The following RNASEH1 variants were observed in gnomAD, a reference collection of about 807,000 sequenced individuals.
RNASEH1 encodes the protein ribonuclease H1.
RNASEH1 carries 27 observed loss-of-function variants against 34.6 expected under a neutral mutation model. The ratio of observed to expected loss-of-function variants is 0.78; its 90% CI spans 0.58 to 1.08. The LOEUF is 1.08. RNASEH1 is among the 50% of genes least tolerant of loss of function. The pLI is 0.00. For missense variants in RNASEH1, 349 were observed against 373.6 expected, an observed-to-expected ratio of 0.93 and a Z score of 0.54; for synonymous variants, 162 against 138.4, an observed-to-expected ratio of 1.17 and a Z score of -1.20.
intron 6 of RNASEH1, 133 bp from the exon 7 acceptor site, chr2:3,548,188 G>A (rs982606165): frequency 1.8e-6 from 2 of 1,093,478 alleles, no homozygotes; most frequent in Non-Finnish European, 2.7e-6. Flanking sequence ...TCCTTAGCTG[G>A]CCTTAGTTGC....
chr2:3,545,711 T>C lies in RNASEH1; in HGVS notation c.*74A>G. ...CTGCAATGGTCCTACCTGCAGGCTA[T>C]TTTCCACACCAGTAAGTACAGGCAG... On this transcript the variant is annotated 3_prime_UTR_variant, in exon 8 of 8. Transcript: ENST00000315212. The C allele has an allele frequency of 9.9e-7, 1 of 1,015,092 alleles. No homozygotes were observed. The highest frequency in any genetic ancestry group is 1.7e-5 in the Admixed American group (1 of 58,896). 62.9% of individuals were successfully genotyped at this position (1,015,092 alleles called of 1,614,324 possible).
rs749421361 is a variant in RNASEH1 at position 3,547,930 on chromosome 2, C to T, written c.774+1G>A. The T allele has an allele frequency of 7.4e-6, 12 of 1,613,602 alleles. No homozygotes were observed. In the East Asian group the frequency reaches 2.5e-4, roughly 33 times the overall value. On this transcript the variant is annotated splice_donor_variant, in intron 7 of 7. Coordinates refer to ENST00000315212, the MANE Select transcript of RNASEH1 (RefSeq NM_002936.6). LOFTEE classifies it high-confidence loss of function. ...AGGACATGAACATTTAAGATACTCA[C>T]CCACTGAATGTCCATCCCCTGGGTA...
downstream of RNASEH1, among the ~76,000 whole-genome samples, chr2:3,540,737 AC>A (rs1668247919): frequency 1.3e-5 from 2 of 151,756 alleles, no homozygotes; most frequent in South Asian, 4.1e-4. Flanking sequence ...AATCCCACAG[AC>A]CGTAAAGTTT....
Position 3,558,231 on chromosome 2 carries a change from T to G in RNASEH1, c.30A>C (p.Arg10Ser). 1 of 1,598,326 alleles carries G rather than the reference T, an allele frequency of 6.3e-7. No homozygotes were observed. Among genetic ancestry groups the G allele is most frequent in the Non-Finnish European group, 8.5e-7 (1 of 1,174,600 alleles). MSWLLFLAH[R>S]VALAALPCRR... ...GGCAGGGCAAGGCGGCCAAGGCGAC[T>G]CTGTGGGCCAGGAACAGAAGCCAGC... The change falls in exon 1 of 8, where the codon AGA (arginine) becomes AGC (serine). Residue 10 changes from arginine to serine, a missense_variant. Physicochemically the swap from Arg to Ser is moderately radical, Grantham distance 110. Coordinates refer to ENST00000315212, the MANE Select transcript of RNASEH1 (RefSeq NM_002936.6).
At chr2:3,555,203 T>TC (rs140143795) in intron 2 of RNASEH1, among the ~76,000 whole-genome samples, 23,083 of 152,134 alleles carry the variant, frequency 0.15, 1,822 homozygotes, top group East Asian at 0.19. Flanking sequence ...CGCCTTTCTT[T>TC]CCCCTTCCCT....
At chr2:3,554,504 T>A (rs1425724758) in intron 2 of RNASEH1, among the ~76,000 whole-genome samples, 2 of 152,192 alleles carry the variant, frequency 1.3e-5, no homozygotes, top group African/African-American at 4.8e-5. Flanking sequence ...AGGATAAATG[T>A]AATGTTAAAA....
At chr2:3,551,857 C>T (rs892188255) in intron 3 of RNASEH1, among the ~76,000 whole-genome samples, 1 of 152,164 alleles carries the variant, frequency 6.6e-6, no homozygotes, top group African/African-American at 2.4e-5. Flanking sequence ...CTGGAGTCTT[C>T]GCATTTCATC....
downstream of RNASEH1, among the ~76,000 whole-genome samples, chr2:3,538,951 G>T (rs1019856647): frequency 6.6e-6 from 1 of 152,130 alleles, no homozygotes; most frequent in Non-Finnish European, 1.5e-5. Flanking sequence ...GCATTCTCTC[G>T]TGAGTAAAGC....
At chr2:3,537,498 G>A (rs1240076834), downstream of RNASEH1, among the ~76,000 whole-genome samples, 1 of 152,166 alleles carries the variant, frequency 6.6e-6, no homozygotes, top group Non-Finnish European at 1.5e-5. Flanking sequence ...CGAGGCTGGA[G>A]AATTGCTTGA....
At chr2:3,553,340 G>A (rs1660171570) in intron 2 of RNASEH1, among the ~76,000 whole-genome samples, 1 of 151,680 alleles carries the variant, frequency 6.6e-6, no homozygotes, top group African/African-American at 2.4e-5. Context: ...TTGCAACAAA[G>A]TTTTTCTTCT....
downstream of RNASEH1, among the ~76,000 whole-genome samples, chr2:3,537,058 G>A (rs1012933375): frequency 6.6e-6 from 1 of 152,224 alleles, no homozygotes; most frequent in African/African-American, 2.4e-5. Context: ...AGGGATTAGG[G>A]GTTTGACATG....
rs1277504445 is a variant in RNASEH1 at position 3,544,280 on chromosome 2, C to G, written c.*1505G>C. On this transcript the variant is annotated 3_prime_UTR_variant, in exon 8 of 8. Coordinates refer to ENST00000315212, the MANE Select transcript of RNASEH1 (RefSeq NM_002936.6). ...ATCAAATTTGAGGCTCATCAAGCCT[C>G]TGGACCCAGCTGCCAATGTGCAGGA... Among the ~76,000 whole-genome samples, 2 of 152,156 alleles carry G rather than the reference C, an allele frequency of 1.3e-5. No individual in the cohort carries two copies. Among genetic ancestry groups the G allele is most frequent in the Admixed American group, 6.5e-5 (1 of 15,278 alleles).
At chr2:3,539,420 T>C (rs985624886), downstream of RNASEH1, among the ~76,000 whole-genome samples, 1 of 152,218 alleles carries the variant, frequency 6.6e-6, no homozygotes, top group Non-Finnish European at 1.5e-5. Flanking sequence ...CGTATTTTGA[T>C]GAAAGTTGTT....
intron 1 of RNASEH1, 35 bp downstream of exon 1, chr2:3,558,098 C>T (rs751968043): frequency 1.3e-6 from 2 of 1,564,884 alleles, no homozygotes; most frequent in South Asian, 2.3e-5. Flanking sequence ...ACCCCGATGC[C>T]GGCAGGGAGG....
the RNASEH1 span, among the ~76,000 whole-genome samples, chr2:3,535,682 G>A: frequency 6.6e-6 from 1 of 152,100 alleles, no homozygotes; most frequent in Non-Finnish European, 1.5e-5. Flanking sequence ...GGAGGAATTT[G>A]CATTTTATTC....
At chr2:3,548,772 GAC>G in intron 5 of RNASEH1, 48 bp from the exon 6 acceptor site, 1 of 1,360,394 alleles carries the variant, frequency 7.4e-7, no homozygotes, top group Non-Finnish European at 1.1e-6. Flanking sequence ...GTTCAACTCT[GAC>G]ATTACTAAAG....
Position 3,542,657 on chromosome 2 carries a change from A to AT in RNASEH1, c.*3127dup, listed in dbSNP as rs1013506304. On this transcript the variant is annotated 3_prime_UTR_variant, in exon 8 of 8. Coordinates refer to ENST00000315212, the MANE Select transcript of RNASEH1 (RefSeq NM_002936.6). ...TCACAATTAATGCTATGGTATTAGTATTTTTTTTAAATGCTAAATGCTAAA... is the reference window on the plus strand; with the variant it reads ...TCACAATTAATGCTATGGTATTAGTATTTTTTTTTAAATGCTAAATGCTAAA... Among the ~76,000 whole-genome samples, 4 of 152,136 alleles carry AT rather than the reference A, an allele frequency of 2.6e-5. No individual in the cohort carries two copies. Among genetic ancestry groups the AT allele is most frequent in the Admixed American group, 1.3e-4 (2 of 15,272 alleles).
chr2:3,550,264 G>C (rs758148289), intron 4 of RNASEH1, 109 bp downstream of exon 4: 6 of 919,516 alleles, frequency 6.5e-6, no homozygotes, highest in East Asian at 2.4e-5. Context: ...CCCTGCCAGA[G>C]CTACTTATCT....
At chr2:3,539,258 T>C (rs931054514), downstream of RNASEH1, among the ~76,000 whole-genome samples, 3 of 152,186 alleles carry the variant, frequency 2.0e-5, no homozygotes, top group Non-Finnish European at 4.4e-5. Context: ...AATCTGTGCA[T>C]ATTTAGGTTT....
Sources: gnomAD v4.1 joint callset for allele counts (sites outside exome capture counted in the v4.1 genomes callset) on GRCh38, gnomAD v4.1.1 for gene constraint, MANE v1.5 for transcripts, NCBI Gene and HGNC (gene_info 2026-07-23, HGNC 2026-07-21) for gene names.